Variants in LRP1B observed in about 807,000 individuals in gnomAD.
LRP1B encodes the protein LDL receptor related protein 1B, also known as low-density lipoprotein receptor-related protein 1B.
Under a neutral mutation model 556.6 loss-of-function variants are expected in LRP1B, and 217 were observed. The ratio of observed to expected loss-of-function variants is 0.39; its 90% confidence interval spans 0.35 to 0.44. The LOEUF (loss-of-function observed/expected upper bound fraction) is 0.44, where lower values mean the gene tolerates loss of function less well. LRP1B is among the 20% of genes least tolerant of loss of function. The pLI is 1.00. For missense variants in LRP1B, 5,053 were observed against 5,620.8 expected (o/e 0.90, Z 3.23); for synonymous variants, 2,047 against 1,865.8 (o/e 1.10, Z -2.50).
intron 11 of LRP1B, among the ~76,000 whole-genome samples, chr2:141,035,962 A>C (rs777884354): frequency 6.6e-5 from 10 of 152,120 alleles, no homozygotes; most frequent in East Asian, 1.9e-4. Flanking sequence ...CTTGTTCCTC[A>C]AATTCCTATT....
Position 140,700,555 on chromosome 2 carries a change from C to T in LRP1B, c.6494G>A (p.Arg2165Gln), listed in dbSNP as rs201013691. 93 of 1,613,542 alleles carry T rather than the reference C, an allele frequency of 5.8e-5. 1 individual carries two copies. Among genetic ancestry groups the T allele is most frequent in the East Asian group, 3.6e-4 (16 of 44,848 alleles). ...TCCATGGGCACAAGCACAAGTTCTC[C>T]GGGAATTTCCTCGATAAAGACAGAG... ...KQLCLYRGNS[R>Q]RTCACAHGYL... The change falls in exon 41 of 91, where the codon CGG (arginine) becomes CAG (glutamine). Residue 2165 changes from arginine to glutamine, a missense_variant. Physicochemically the swap from Arg to Gln is conservative, Grantham distance 43. Coordinates refer to ENST00000389484, the MANE Select transcript of LRP1B (RefSeq NM_018557.3).
intron 1 of LRP1B, among the ~76,000 whole-genome samples, chr2:141,900,760 C>A (rs1206689371): frequency 3.9e-5 from 6 of 151,924 alleles, no homozygotes; most frequent in Non-Finnish European, 7.4e-5. Flanking sequence ...ATAAATATAA[C>A]CAAAGTACAC....
intron 86 of LRP1B, among the ~76,000 whole-genome samples, chr2:140,266,138 GT>G (rs372205675): frequency 2.1e-4 from 31 of 150,302 alleles, no homozygotes; most frequent in South Asian, 2.1e-4. Context: ...CCTACTTACT[GT>G]TTTTTTTTGT....
At chr2:141,029,676 C>A (rs966033854) in intron 11 of LRP1B, among the ~76,000 whole-genome samples, 1 of 152,124 alleles carries the variant, frequency 6.6e-6, no homozygotes, top group Non-Finnish European at 1.5e-5. Flanking sequence ...CCCTGAGACT[C>A]CCGGGCAGGG....
intron 1 of LRP1B, among the ~76,000 whole-genome samples, chr2:141,947,104 G>A (rs1700973852): frequency 1.3e-5 from 2 of 151,950 alleles, no homozygotes; most frequent in South Asian, 2.1e-4. Context: ...TAGATGAGGC[G>A]ATCAATATGT....
chr2:140,526,693 T>A (rs1185259220), intron 47 of LRP1B, among the ~76,000 whole-genome samples: 2 of 57,008 alleles, frequency 3.5e-5, no homozygotes, highest in Non-Finnish European at 6.8e-5. Context: ...ACCCTAGCAC[T>A]GAGCCAAAAA....
intron 3 of LRP1B, among the ~76,000 whole-genome samples, chr2:141,410,282 T>C (rs1269177459): frequency 6.6e-6 from 1 of 152,034 alleles, no homozygotes; most frequent in Non-Finnish European, 1.5e-5. Flanking sequence ...GAGTGGTTAA[T>C]AATGTATTTT....
At chr2:140,935,064 A>G (rs1695163851) in intron 20 of LRP1B, among the ~76,000 whole-genome samples, 1 of 152,190 alleles carries the variant, frequency 6.6e-6, no homozygotes, top group Admixed American at 6.5e-5. Flanking sequence ...TTCCAGAGTT[A>G]TCACATTATT....
chr2:140,648,475 A>C (rs556064120), intron 41 of LRP1B, among the ~76,000 whole-genome samples: 3 of 152,202 alleles, frequency 2.0e-5, no homozygotes, highest in Non-Finnish European at 4.4e-5. Flanking sequence ...GTCGTTAATG[A>C]AATAAACATG....
chr2:142,120,969 C>A (rs1707437767), intron 1 of LRP1B, among the ~76,000 whole-genome samples: 1 of 152,102 alleles, frequency 6.6e-6, no homozygotes, highest in Non-Finnish European at 1.5e-5. Context: ...AAAGGCACTG[C>A]AAAATGGAAT....
chr2:140,495,721 T>C lies in LRP1B; in HGVS notation c.8878A>G (p.Lys2960Glu). 1 of 1,610,370 alleles carries C rather than the reference T, an allele frequency of 6.2e-7. No individual in the cohort carries two copies. Among genetic ancestry groups the C allele is most frequent in the Non-Finnish European group, 8.5e-7 (1 of 1,176,892 alleles). Residue 2960 changes from lysine to glutamate, a missense_variant, in exon 56 of 91, where the codon AAG becomes GAG. Physicochemically the swap from Lys to Glu is moderately conservative, Grantham distance 56. This residue lies in a region of LRP1B where 3,619 missense variants were observed against 3,931.9 expected (regional missense o/e 0.92). Transcript: ENST00000389484. ...TCTACACATGTTTTGCCGTCATCCT[T>C]CAGTTGGAATCCAGGCCAGCATTTG... ...KCKCWPGFQL[K>E]DDGKTCVDID...
chr2:141,462,013 G>A (rs1681894387), intron 3 of LRP1B, among the ~76,000 whole-genome samples: 1 of 152,126 alleles, frequency 6.6e-6, no homozygotes, highest in Non-Finnish European at 1.5e-5. Context: ...CCTGCCTTTT[G>A]GCTGTTAACT....
chr2:142,130,487 C>A (rs1001010268), intron 1 of LRP1B, among the ~76,000 whole-genome samples, 161 bp downstream of exon 1: 6 of 152,198 alleles, frequency 3.9e-5, no homozygotes, highest in Non-Finnish European at 2.9e-5. Context: ...AAATCCCGCA[C>A]CGCACCTCTC....
chr2:141,015,569 C>A (rs889719194), intron 13 of LRP1B, 127 bp downstream of exon 13: 2 of 740,440 alleles, frequency 2.7e-6, no homozygotes, highest in Non-Finnish European at 4.4e-6. Flanking sequence ...TCAGCCACCC[C>A]ATGGAGACTA....
intron 18 of LRP1B, among the ~76,000 whole-genome samples, chr2:140,963,232 T>G (rs1696091006): frequency 6.7e-6 from 1 of 148,364 alleles, no homozygotes; most frequent in Non-Finnish European, 1.5e-5. Flanking sequence ...TTCAGAAATG[T>G]TGCTGTTTTC....
intron 2 of LRP1B, among the ~76,000 whole-genome samples, chr2:141,745,734 T>G (rs1433525864): frequency 6.6e-6 from 1 of 151,906 alleles, no homozygotes; most frequent in African/African-American, 2.4e-5. Flanking sequence ...TTCCTTCAGC[T>G]TTTCTCAAGC....
intron 32 of LRP1B, among the ~76,000 whole-genome samples, chr2:140,784,026 C>T (rs1689797194): frequency 6.6e-6 from 1 of 152,174 alleles, no homozygotes; most frequent in Admixed American, 6.5e-5. Context: ...TCAGGTGATG[C>T]AGATGTGCTG....
intron 1 of LRP1B, among the ~76,000 whole-genome samples, chr2:141,857,453 A>G (rs1257290909): frequency 6.6e-6 from 1 of 151,496 alleles, no homozygotes; most frequent in Non-Finnish European, 1.5e-5. Context: ...TGATCCTCCC[A>G]CCTCAGCCTC....
intron 3 of LRP1B, among the ~76,000 whole-genome samples, chr2:141,395,102 G>A (rs1690193816): frequency 6.6e-6 from 1 of 152,054 alleles, no homozygotes; most frequent in Admixed American, 6.6e-5. Context: ...CATAGCTGTT[G>A]TAACCTCATT....
Sources: gnomAD v4.1 joint callset for allele counts (sites outside exome capture counted in the v4.1 genomes callset) on GRCh38, gnomAD v4.1.1 for gene constraint, gnomAD v4.1.1 regional missense constraint, MANE v1.5 for transcripts, NCBI Gene and HGNC (gene_info 2026-07-23, HGNC 2026-07-21) for gene names.